The following SH3RF1 variants were observed in gnomAD, a reference collection of about 807,000 sequenced individuals.
SH3RF1 encodes the protein SH3 domain containing ring finger 1, also known as E3 ubiquitin-protein ligase SH3RF1.
SH3RF1 carries 32 observed loss-of-function variants against 74.0 expected under a neutral mutation model. The ratio of observed to expected loss-of-function variants is 0.43; its 90% CI spans 0.33 to 0.58. The LOEUF (loss-of-function observed/expected upper bound fraction) is 0.58, where lower values mean the gene tolerates loss of function less well. Ranked by LOEUF, SH3RF1 falls within the 20% of genes least tolerant of loss-of-function variation. The pLI is 0.05. For missense variants in SH3RF1, 954 were observed against 1,130.9 expected (o/e 0.84, Z 2.24); for synonymous variants, 396 against 439.6 (o/e 0.90, Z 1.24).
intron 2 of SH3RF1, among the ~76,000 whole-genome samples, chr4:169,222,942 C>T (rs1730591559): frequency 6.6e-6 from 1 of 152,194 alleles, no homozygotes; most frequent in Admixed American, 6.5e-5. Context: ...GACAGCACCC[C>T]TGTCCTCGCA....
chr4:169,212,087 A>ACG (rs1730386905), intron 2 of SH3RF1, among the ~76,000 whole-genome samples: 2 of 108,702 alleles, frequency 1.8e-5, no homozygotes, highest in South Asian at 6.5e-4. Context: ...TTTTTGAGAC[A>ACG]GAGTTTTGCT....
chr4:169,216,502 T>C (rs1730466367), intron 2 of SH3RF1, among the ~76,000 whole-genome samples: 1 of 152,202 alleles, frequency 6.6e-6, no homozygotes, highest in South Asian at 2.1e-4. Context: ...ATAAAATCTA[T>C]GCATTTACTA....
intron 10 of SH3RF1, among the ~76,000 whole-genome samples, chr4:169,112,216 T>A (rs1733255752): frequency 6.6e-6 from 1 of 152,196 alleles, no homozygotes; most frequent in Non-Finnish European, 1.5e-5. Context: ...TACCTAGATA[T>A]CTGCTGTAAG....
At chr4:169,207,573 A>T (rs1457517681) in intron 2 of SH3RF1, among the ~76,000 whole-genome samples, 9 of 152,202 alleles carry the variant, frequency 5.9e-5, no homozygotes, top group Non-Finnish European at 1.2e-4. Context: ...CAATACCCTA[A>T]GAAGAACTGC....
intron 2 of SH3RF1, among the ~76,000 whole-genome samples, chr4:169,204,854 TCTC>T (rs1294260898): frequency 6.6e-6 from 1 of 152,086 alleles, no homozygotes; most frequent in African/African-American, 2.4e-5. Context: ...CCGGCCACCT[TCTC>T]CTTTTGAAGA....
At chr4:169,151,512 T>C (rs936543527) in intron 4 of SH3RF1, among the ~76,000 whole-genome samples, 1 of 152,190 alleles carries the variant, frequency 6.6e-6, no homozygotes, top group African/African-American at 2.4e-5. Context: ...TCTCCCACTA[T>C]GGCACCAGTA....
chr4:169,212,690 C>T (rs889668478), intron 2 of SH3RF1, among the ~76,000 whole-genome samples: 2 of 152,150 alleles, frequency 1.3e-5, no homozygotes, highest in Non-Finnish European at 2.9e-5. Flanking sequence ...ATCAGTGAAC[C>T]TACATTGACA....
chr4:169,264,939 C>T (rs948365428), intron 2 of SH3RF1, among the ~76,000 whole-genome samples: 1 of 152,182 alleles, frequency 6.6e-6, no homozygotes, highest in Admixed American at 6.5e-5. Context: ...CCCTGCCCAG[C>T]CCCCATTCCC....
intron 2 of SH3RF1, among the ~76,000 whole-genome samples, chr4:169,250,923 T>C (rs908698346): frequency 6.6e-6 from 1 of 152,184 alleles, no homozygotes; most frequent in Non-Finnish European, 1.5e-5. Context: ...AAAGCTGACC[T>C]TCCTTCCAGG....
chr4:169,099,652 G>A (rs1367989803), intron 11 of SH3RF1, among the ~76,000 whole-genome samples: 1 of 152,108 alleles, frequency 6.6e-6, no homozygotes, highest in Non-Finnish European at 1.5e-5. Flanking sequence ...TGCCTTAAAG[G>A]TGAAATGGAA....
At chr4:169,144,454 C>G (rs960713267) in intron 4 of SH3RF1, among the ~76,000 whole-genome samples, 1 of 152,096 alleles carries the variant, frequency 6.6e-6, no homozygotes, top group Non-Finnish European at 1.5e-5. Flanking sequence ...CCTAATGGAG[C>G]CTTTTACTCA....
intron 2 of SH3RF1, among the ~76,000 whole-genome samples, chr4:169,233,064 C>T (rs543330321): frequency 2.5e-4 from 38 of 152,140 alleles, no homozygotes; most frequent in Non-Finnish European, 3.2e-4. Flanking sequence ...GCCTGGCCAA[C>T]GTGGCAAAAC....
intron 2 of SH3RF1, among the ~76,000 whole-genome samples, chr4:169,223,410 T>G (rs548314028): frequency 1.3e-5 from 2 of 152,016 alleles, no homozygotes; most frequent in East Asian, 3.9e-4. Flanking sequence ...CCTAAAAGGA[T>G]GGGTAGGAAT....
chr4:169,189,327 A>G (rs1734660723), intron 2 of SH3RF1, among the ~76,000 whole-genome samples: 1 of 152,236 alleles, frequency 6.6e-6, no homozygotes, highest in South Asian at 2.1e-4. Context: ...GTCCCATTAA[A>G]ACACTTTTTA....
At chr4:169,164,837 C>G (rs949110860) in intron 2 of SH3RF1, among the ~76,000 whole-genome samples, 1 of 152,170 alleles carries the variant, frequency 6.6e-6, no homozygotes, top group African/African-American at 2.4e-5. Context: ...TAGGAGGAAA[C>G]AGTCATGCAG....
At chr4:169,227,104 T>A (rs1460599511) in intron 2 of SH3RF1, among the ~76,000 whole-genome samples, 1 of 152,048 alleles carries the variant, frequency 6.6e-6, no homozygotes, top group East Asian at 1.9e-4. Context: ...AGGTTGAGGC[T>A]TCAGTAAGCT....
chr4:169,171,055 C>T (rs79997961), intron 2 of SH3RF1, among the ~76,000 whole-genome samples: 3 of 152,234 alleles, frequency 2.0e-5, no homozygotes, highest in East Asian at 3.8e-4. Context: ...CTAAAGGTTT[C>T]TCCACACATA....
intron 2 of SH3RF1, among the ~76,000 whole-genome samples, chr4:169,179,842 T>G (rs184158268): frequency 6.6e-6 from 1 of 152,222 alleles, no homozygotes. Context: ...AAAAAGCATC[T>G]TGTCAGAATT....
intron 2 of SH3RF1, among the ~76,000 whole-genome samples, chr4:169,231,085 A>G (rs1320651736): frequency 1.3e-5 from 2 of 152,172 alleles, no homozygotes; most frequent in African/African-American, 4.8e-5. Context: ...TCATCTGTAA[A>G]TAGAAGGTGG....
Sources: allele counts gnomAD v4.1 joint callset (sites outside exome capture counted in the v4.1 genomes callset), GRCh38; gene constraint gnomAD v4.1.1; transcripts MANE v1.5; gene names NCBI Gene and HGNC (gene_info 2026-07-23, HGNC 2026-07-21).